Variants in CACNA1C observed in about 807,000 individuals in gnomAD.
The protein encoded by CACNA1C is voltage-dependent L-type calcium channel subunit alpha-1C.
A neutral mutation model predicts 229.0 loss-of-function variants in CACNA1C; 30 were observed. The observed-to-expected ratio is 0.13, with a 90% CI of 0.10 to 0.18. The LOEUF is 0.18. Among genes scored for constraint, CACNA1C ranks in the 10% least tolerant of loss-of-function variants. The pLI is 1.00. For synonymous variants in CACNA1C, 1,114 were observed against 1,132.5 expected, an observed-to-expected ratio of 0.98 and a Z score of 0.33; for missense variants, 1,658 against 2,845.0, an observed-to-expected ratio of 0.58 and a Z score of 9.49.
chr12:2,310,352 A>AAATATATATAT (rs201363709), intron 3 of CACNA1C, among the ~76,000 whole-genome samples: 20 of 139,828 alleles, frequency 1.4e-4, no homozygotes, highest in African/African-American at 3.2e-4. Flanking sequence ...TAAAAAAAAA[A>AAATATATATAT]ATATATATAT....
intron 3 of CACNA1C, among the ~76,000 whole-genome samples, chr12:2,312,939 G>C (rs1339848522): frequency 6.6e-6 from 1 of 152,156 alleles, no homozygotes; most frequent in Non-Finnish European, 1.5e-5. Context: ...CAGGGCCTTT[G>C]ATATCCAGAT....
At chr12:2,456,924 G>C (rs368930048) in intron 4 of CACNA1C, among the ~76,000 whole-genome samples, 1 of 152,260 alleles carries the variant, frequency 6.6e-6, no homozygotes, top group South Asian at 2.1e-4. Context: ...AGGTGTTCTT[G>C]TTTGTTGGAG....
intron 1 of CACNA1C, among the ~76,000 whole-genome samples, chr12:2,113,958 C>A (rs1051288714): frequency 2.6e-5 from 4 of 152,224 alleles, no homozygotes; most frequent in African/African-American, 9.6e-5. Context: ...AATCAGGTTT[C>A]CTTCCTGACA....
At chr12:2,419,899 C>T (rs2098957887) in intron 3 of CACNA1C, among the ~76,000 whole-genome samples, 1 of 152,132 alleles carries the variant, frequency 6.6e-6, no homozygotes, top group African/African-American at 2.4e-5. Flanking sequence ...ATCATGGGTG[C>T]CGGGGCCCAG....
chr12:2,078,352 G>T (rs915835004), intron 1 of CACNA1C, among the ~76,000 whole-genome samples: 3 of 152,184 alleles, frequency 2.0e-5, no homozygotes, highest in Non-Finnish European at 4.4e-5. Flanking sequence ...ATTTTGCTAT[G>T]ACAGCCTGAG....
intron 3 of CACNA1C, among the ~76,000 whole-genome samples, chr12:2,363,709 C>T (rs2097642102): frequency 7.0e-6 from 1 of 142,424 alleles, no homozygotes; most frequent in African/African-American, 2.6e-5. Context: ...GGTTTAGCAA[C>T]ATAACCTGGA....
intron 1 of CACNA1C, among the ~76,000 whole-genome samples, chr12:2,065,902 G>A (rs534256061): frequency 6.6e-6 from 1 of 152,296 alleles, no homozygotes; most frequent in South Asian, 2.1e-4. Context: ...GAAGAAGTGG[G>A]AGAGAAAGTT....
rs146931247 is a variant in CACNA1C at position 2,209,131 on chromosome 12, C to T, written c.477+88701C>T. Among the ~76,000 whole-genome samples, 466 of 152,314 alleles carry T rather than the reference C, an allele frequency of 3.1e-3. 4 individuals carry two copies. Among genetic ancestry groups the T allele is most frequent in the Non-Finnish European group, 4.3e-3 (292 of 68,026 alleles). ...AGCTATCACCCCCCTGGTTCCCATGCCTGCCACTTCTATCAGTAAGACGCA... is the reference window on the plus strand; with the variant it reads ...AGCTATCACCCCCCTGGTTCCCATGTCTGCCACTTCTATCAGTAAGACGCA... On this transcript the variant is annotated intron_variant, in intron 3 of 46. Transcript: ENST00000399655.
At chr12:2,202,758 A>C (rs1047595721) in intron 3 of CACNA1C, among the ~76,000 whole-genome samples, 1 of 152,202 alleles carries the variant, frequency 6.6e-6, no homozygotes, top group Non-Finnish European at 1.5e-5. Flanking sequence ...AAAATGTTTC[A>C]TGAGCAACTT....
chr12:2,105,609 C>T (rs1435968415), intron 1 of CACNA1C, among the ~76,000 whole-genome samples: 10 of 148,686 alleles, frequency 6.7e-5, no homozygotes, highest in Admixed American at 2.0e-4. Flanking sequence ...CTCAGCTGGG[C>T]GTCCTGAAGC....
chr12:2,445,050 A>G (rs912876098), intron 3 of CACNA1C, among the ~76,000 whole-genome samples: 2 of 152,064 alleles, frequency 1.3e-5, no homozygotes, highest in African/African-American at 4.8e-5. Flanking sequence ...TGCTACTTCA[A>G]CACCCTCACT....
At chr12:2,089,972 T>A in intron 1 of CACNA1C, among the ~76,000 whole-genome samples, 1 of 152,110 alleles carries the variant, frequency 6.6e-6, no homozygotes, top group African/African-American at 2.4e-5. Flanking sequence ...GAGGTTGCGG[T>A]GAGCTGCGAT....
At chr12:2,193,319 G>A (rs964078023) in intron 3 of CACNA1C, among the ~76,000 whole-genome samples, 3 of 152,342 alleles carry the variant, frequency 2.0e-5, no homozygotes, top group Admixed American at 2.0e-4. Flanking sequence ...GCCAGACCTG[G>A]TGGCACATAC....
intron 1 of CACNA1C, among the ~76,000 whole-genome samples, chr12:2,057,367 A>T (rs899870582): frequency 6.6e-6 from 1 of 152,220 alleles, no homozygotes; most frequent in African/African-American, 2.4e-5. Flanking sequence ...CCTGCAGTAG[A>T]TGTGGCTTCT....
At chr12:2,308,563 C>T (rs1004474735) in intron 3 of CACNA1C, among the ~76,000 whole-genome samples, 1 of 152,160 alleles carries the variant, frequency 6.6e-6, no homozygotes, top group African/African-American at 2.4e-5. Context: ...TGTGCCAGTA[C>T]CATACCATTT....
chr12:2,573,641 G>A (rs1460217435), intron 13 of CACNA1C, among the ~76,000 whole-genome samples: 7 of 152,196 alleles, frequency 4.6e-5, no homozygotes, highest in African/African-American at 1.7e-4. Context: ...CGGGAACAGG[G>A]ATCTAAATCA....
chr12:2,550,891 T>A (rs2099899769), intron 10 of CACNA1C, among the ~76,000 whole-genome samples: 1 of 152,186 alleles, frequency 6.6e-6, no homozygotes, highest in Non-Finnish European at 1.5e-5. Flanking sequence ...AGCCGCTGTT[T>A]CCAGGGAGCG....
intron 5 of CACNA1C, among the ~76,000 whole-genome samples, chr12:2,480,621 C>A (rs1012992723): frequency 1.3e-5 from 2 of 152,114 alleles, no homozygotes; most frequent in Admixed American, 6.5e-5. Context: ...TTAGGTGATC[C>A]CAAAGTCCTC....
At chr12:2,143,938 C>G (rs1014333941) in intron 3 of CACNA1C, among the ~76,000 whole-genome samples, 2 of 150,400 alleles carry the variant, frequency 1.3e-5, no homozygotes, top group East Asian at 3.9e-4. Flanking sequence ...TACATGCTAT[C>G]TATATGATGT....
Sources: allele counts gnomAD v4.1 joint callset (sites outside exome capture counted in the v4.1 genomes callset), GRCh38; gene constraint gnomAD v4.1.1; transcripts MANE v1.5; gene names NCBI Gene and HGNC (gene_info 2026-07-23, HGNC 2026-07-21).